Variants in PLAAT2 observed in about 807,000 individuals in gnomAD.
The protein encoded by PLAAT2 is HRAS like suppressor 2.
In PLAAT2, 12 loss-of-function variants were observed where a neutral mutation model predicts 12.8. That is an observed-to-expected ratio of 0.94 (90% CI 0.60 to 1.52). PLAAT2 has a LOEUF of 1.52. PLAAT2 is among the 40% of genes most tolerant of loss of function. The pLI is 0.00. For missense variants in PLAAT2, 166 were observed against 208.1 expected (o/e 0.80, Z 1.24); for synonymous variants, 79 against 86.8 (o/e 0.91, Z 0.50).
Position 63,558,431 on chromosome 11 carries a change from G to A in PLAAT2, c.348C>T (p.Phe116=), listed in dbSNP as rs764173011. 1.1e-5 allele frequency: 17 copies of A among 1,614,080 alleles called. No individual in the cohort carries two copies. In the African/African-American group the frequency reaches 1.3e-4, roughly 13 times the overall value. Residue 116 remains phenylalanine, a synonymous_variant, in exon 3 of 4, where the codon TTC becomes TTT. Coordinates refer to ENST00000255695, the MANE Select transcript of PLAAT2 (RefSeq NM_017878.2). ...YSLTSDNCEH[F]VNHLRYGVSR... Reference sequence around the variant, plus strand: ...AGACGCCATAGCGCAGATGGTTCACGAAGTGCTCGCAGTTGTCACTGGTCA... The same window carrying A: ...AGACGCCATAGCGCAGATGGTTCACAAAGTGCTCGCAGTTGTCACTGGTCA...
At position 63,557,731 on chromosome 11, in the gene PLAAT2, A is replaced by G. The variant is rs1251639913; in HGVS notation, c.387+661T>C. Among the ~76,000 whole-genome samples the G allele has an allele frequency of 2.6e-5, 4 of 152,280 alleles. No individual in the cohort carries two copies. In the East Asian group the frequency reaches 7.7e-4, roughly 29 times the overall value. On this transcript the variant is annotated intron_variant, in intron 3 of 3. Coordinates refer to ENST00000255695, the MANE Select transcript of PLAAT2 (RefSeq NM_017878.2). ...GCAGCAGGGTAATAAGACAGAGAAC[A>G]CCTGGCCCATAAAATCGAAGACATT... is the stretch of plus-strand genomic sequence containing the variant.
chr11:63,564,331 C>A (rs2017545142), upstream of PLAAT2, among the ~76,000 whole-genome samples: 1 of 134,752 alleles, frequency 7.4e-6, no homozygotes, highest in African/African-American at 2.7e-5. Flanking sequence ...TCTCTTCTGT[C>A]ATCTACATAT....
chr11:63,556,584 C>T (rs981055920), intron 3 of PLAAT2, among the ~76,000 whole-genome samples: 1 of 152,138 alleles, frequency 6.6e-6, no homozygotes, highest in Admixed American at 6.5e-5. Context: ...CATGTCCCAC[C>T]GTGCCCCAGT....
chr11:63,561,644 C>CAA lies in PLAAT2; in HGVS notation c.10-1453_10-1452dup, dbSNP rs61140464. Reference sequence around the variant, plus strand: ...TGGGCGATAGAGTGAGACTCCATCACAAAAAAAAAAAAAAAAAAAAAAAAA... The same window carrying CAA: ...TGGGCGATAGAGTGAGACTCCATCACAAAAAAAAAAAAAAAAAAAAAAAAAAA... On this transcript the variant is annotated intron_variant, in intron 1 of 3. Transcript: ENST00000255695. Among the ~76,000 whole-genome samples the CAA allele has an allele frequency of 7.5e-4, 27 of 36,002 alleles. 5 individuals are homozygous for CAA. The highest frequency in any genetic ancestry group is 2.0e-3 in the South Asian group (1 of 506). The allele number at this position is 36,002 out of a possible 152,430, so 23.6% of individuals were successfully genotyped here.
chr11:63,561,644 C>CAAA (rs61140464), intron 1 of PLAAT2, among the ~76,000 whole-genome samples: 4 of 35,964 alleles, frequency 1.1e-4, no homozygotes, highest in Admixed American at 4.7e-4. Flanking sequence ...GACTCCATCA[C>CAAA]AAAAAAAAAA....
In PLAAT2 at chr11:63,558,422, A is replaced by G. The variant is rs966598888; in HGVS notation, c.357T>C (p.His119=). The G allele has an allele frequency of 6.2e-7, 1 of 1,614,200 alleles. No individual in the cohort carries two copies. Among genetic ancestry groups the G allele is most frequent in the Non-Finnish European group, 8.5e-7 (1 of 1,180,044 alleles). ...CACTGCGGGAGACGCCATAGCGCAG[A>G]TGGTTCACGAAGTGCTCGCAGTTGT... ...TSDNCEHFVN[H]LRYGVSRSDQ... The change falls in exon 3 of 4, where the codon CAT becomes CAC. Residue 119 remains histidine (H), a synonymous_variant. Transcript: ENST00000255695.
rs764173011 is a variant in PLAAT2, at chr11:63,558,431, G to C, written c.348C>G (p.Phe116Leu). 14 of 1,614,198 alleles carry C rather than the reference G, an allele frequency of 8.7e-6. No homozygotes were observed. The highest frequency in any genetic ancestry group is 3.3e-4 in the Middle Eastern group (2 of 6,062). Residue 116 changes from phenylalanine (F) to leucine (L), a missense_variant, in exon 3 of 4, where the codon TTC becomes TTG. By Grantham distance (22) the Phe-to-Leu change is conservative. Transcript: ENST00000255695. Reference sequence around the variant, plus strand: ...AGACGCCATAGCGCAGATGGTTCACGAAGTGCTCGCAGTTGTCACTGGTCA... The same window carrying C: ...AGACGCCATAGCGCAGATGGTTCACCAAGTGCTCGCAGTTGTCACTGGTCA... ...YSLTSDNCEH[F>L]VNHLRYGVSR...
rs368724082 is a variant in PLAAT2 at position 63,552,927 on chromosome 11, C to T, written c.*37G>A. The T allele has an allele frequency of 9.5e-6, 13 of 1,363,658 alleles. No homozygotes were observed. The highest frequency in any genetic ancestry group is 2.3e-5 in the South Asian group (2 of 85,520). The allele number at this position is 1,363,658 out of a possible 1,614,324, so 84.5% of individuals were successfully genotyped here. A position where few individuals can be genotyped will look rare whatever the true frequency, so the allele number is the denominator to read the frequency against. On this transcript the variant is annotated 3_prime_UTR_variant, in exon 4 of 4. Coordinates refer to ENST00000255695, the MANE Select transcript of PLAAT2 (RefSeq NM_017878.2). ...TCCTGCTGGCTAAATAATATTCCTCCGTAAGAATTGGTGGTTGTTGGGACA... is the reference window on the plus strand; with the variant it reads ...TCCTGCTGGCTAAATAATATTCCTCTGTAAGAATTGGTGGTTGTTGGGACA...
At chr11:63,559,231 A>G (rs1396273803) in intron 2 of PLAAT2, among the ~76,000 whole-genome samples, 1 of 152,226 alleles carries the variant, frequency 6.6e-6, no homozygotes, top group Non-Finnish European at 1.5e-5. Flanking sequence ...TTAGCGCCGA[A>G]ATTACAGGCT....
chr11:63,562,125 A>G (rs2017524601), intron 1 of PLAAT2, among the ~76,000 whole-genome samples: 1 of 152,266 alleles, frequency 6.6e-6, no homozygotes, highest in Non-Finnish European at 1.5e-5. Flanking sequence ...CCATATATGT[A>G]TGCAAAAACA....
upstream of PLAAT2, among the ~76,000 whole-genome samples, chr11:63,564,078 C>T (rs1270107228): frequency 5.9e-5 from 9 of 152,202 alleles, 1 homozygote; most frequent in Admixed American, 5.9e-4. Flanking sequence ...GCAAACATTT[C>T]CACCAACCTC....
chr11:63,561,690 G>T (rs918042936), intron 1 of PLAAT2, among the ~76,000 whole-genome samples: 1 of 136,622 alleles, frequency 7.3e-6, no homozygotes, highest in African/African-American at 2.7e-5. Flanking sequence ...ATTGGGTACC[G>T]AGTACACTGC....
intron 3 of PLAAT2, among the ~76,000 whole-genome samples, chr11:63,557,126 T>A (rs2017473243): frequency 6.6e-6 from 1 of 152,226 alleles, no homozygotes; most frequent in African/African-American, 2.4e-5. Flanking sequence ...TACACAAATA[T>A]GTAATATGCA....
intron 1 of PLAAT2, among the ~76,000 whole-genome samples, chr11:63,562,215 A>G (rs1340972151): frequency 2.0e-5 from 3 of 152,196 alleles, no homozygotes; most frequent in East Asian, 3.8e-4. Context: ...CAAAGGGGAC[A>G]TTAGTTTTTA....
chr11:63,555,836 C>T (rs2017461480), intron 3 of PLAAT2, among the ~76,000 whole-genome samples: 2 of 152,260 alleles, frequency 1.3e-5, no homozygotes, highest in South Asian at 4.1e-4. Context: ...CCTTCCCCAC[C>T]CATGGATACC....
intron 3 of PLAAT2, among the ~76,000 whole-genome samples, chr11:63,558,030 C>T (rs567547320): frequency 6.6e-6 from 1 of 152,160 alleles, no homozygotes; most frequent in Non-Finnish European, 1.5e-5. Flanking sequence ...ACTAGAGACT[C>T]AATAACTAGG....
At chr11:63,554,442 G>A (rs947289956) in intron 3 of PLAAT2, among the ~76,000 whole-genome samples, 2 of 151,818 alleles carry the variant, frequency 1.3e-5, no homozygotes, top group African/African-American at 4.8e-5. Context: ...GACCAGCCTG[G>A]CCAACATGGT....
chr11:63,553,008 G>A lies in PLAAT2; in HGVS notation c.445C>T (p.Leu149Phe), dbSNP rs1458691732. The part of the protein sequence containing the change: ...VAAGLLAAAS[L>F]VGILLARSKR... ...CTTCTGGCCAGCAGGATCCCCACAA[G>A]GCTTGCGGCAGCCAGCAGGCCTGCT... is the stretch of plus-strand genomic sequence containing the variant. The change falls in exon 4 of 4, where the codon CTT becomes TTT. Residue 149 changes from leucine to phenylalanine, a missense_variant. Coordinates refer to ENST00000255695, the MANE Select transcript of PLAAT2 (RefSeq NM_017878.2). 1 of 1,614,020 alleles carries A rather than the reference G, an allele frequency of 6.2e-7. No homozygotes were observed. Among genetic ancestry groups the A allele is most frequent in the East Asian group, 2.2e-5 (1 of 44,874 alleles).
At chr11:63,555,272 A>G (rs2017456631) in intron 3 of PLAAT2, among the ~76,000 whole-genome samples, 1 of 152,240 alleles carries the variant, frequency 6.6e-6, no homozygotes, top group East Asian at 1.9e-4. Context: ...CTCCATATCC[A>G]TGGATTCCAC....
Sources: gnomAD v4.1 joint callset for allele counts (sites outside exome capture counted in the v4.1 genomes callset) on GRCh38, gnomAD v4.1.1 for gene constraint, MANE v1.5 for transcripts, NCBI Gene and HGNC (gene_info 2026-07-23, HGNC 2026-07-21) for gene names.